Variants in GRIP1 observed in about 807,000 individuals in gnomAD.
GRIP1 encodes glutamate receptor-interacting protein 1.
In GRIP1, 45 loss-of-function variants were observed where a neutral mutation model predicts 129.9. The ratio of observed to expected loss-of-function variants is 0.35; its 90% CI spans 0.27 to 0.44. The LOEUF (loss-of-function observed/expected upper bound fraction) is 0.44. GRIP1 is among the 20% of genes least tolerant of loss of function. The pLI, the probability that GRIP1 is intolerant of heterozygous loss-of-function variation, is 1.00. For synonymous variants in GRIP1, 530 were observed against 520.8 expected (o/e 1.02, Z -0.24); for missense variants, 1,196 against 1,396.8 (o/e 0.86, Z 2.29).
At chr12:66,666,206 T>C (rs1415556024) in intron 1 of GRIP1, among the ~76,000 whole-genome samples, 2 of 152,172 alleles carry the variant, frequency 1.3e-5, no homozygotes, top group Non-Finnish European at 2.9e-5. Context: ...AATTATAAAA[T>C]GATGATTATG....
chr12:67,053,228 A>C (rs2043376875), intron 1 of GRIP1, among the ~76,000 whole-genome samples: 1 of 152,224 alleles, frequency 6.6e-6, no homozygotes, highest in African/African-American at 2.4e-5. Context: ...AATGTAGTAA[A>C]GTCATAAAAT....
At chr12:66,474,115 A>G (rs1217928197) in intron 7 of GRIP1, among the ~76,000 whole-genome samples, 1 of 152,086 alleles carries the variant, frequency 6.6e-6, no homozygotes, top group Non-Finnish European at 1.5e-5. Context: ...TAACTAGAAT[A>G]ACCAGTTTAG....
rs187874414 is a variant in GRIP1 at position 66,472,470 on chromosome 12, A to G, written c.725-7048T>C. On this transcript the variant is annotated intron_variant, in intron 7 of 24. Coordinates refer to ENST00000359742, the MANE Select transcript of GRIP1 (RefSeq NM_001366722.1). ...TTTGCAACTCCTCTCTTCCTGCCCA[A>G]TGAAATCTTTAATATAGTATGGTCA... Among the ~76,000 whole-genome samples, 30 of 152,244 alleles carry G rather than the reference A, an allele frequency of 2.0e-4. 1 individual carries two copies. The highest frequency in any genetic ancestry group is 4.8e-4 in the African/African-American group (20 of 41,538).
intron 15 of GRIP1, among the ~76,000 whole-genome samples, chr12:66,410,352 C>CCAGG (rs1396131886): frequency 5.3e-5 from 8 of 150,328 alleles, no homozygotes; most frequent in Non-Finnish European, 7.4e-5. Flanking sequence ...AAAAGCTGGG[C>CCAGG]CAGGCATGGT....
At chr12:66,643,076 T>C (rs1344770491) in intron 1 of GRIP1, among the ~76,000 whole-genome samples, 1 of 152,124 alleles carries the variant, frequency 6.6e-6, no homozygotes, top group Non-Finnish European at 1.5e-5. Flanking sequence ...ACCCAGCAGA[T>C]TGGCATGGAT....
intron 2 of GRIP1, among the ~76,000 whole-genome samples, chr12:66,571,992 C>T (rs369466402): frequency 1.1e-4 from 16 of 152,228 alleles, no homozygotes; most frequent in South Asian, 6.2e-4. Context: ...GAAATCAATA[C>T]GTAAGGATAC....
At position 66,583,151 on chromosome 12, in the gene GRIP1, T is replaced by C. The variant is rs1309854599; in HGVS notation, c.136+13696A>G. On this transcript the variant is annotated intron_variant, in intron 2 of 24. Transcript: ENST00000359742. ...TGACAAACCTGAGAAAAACAAGCAATGGCGAAAGGATTCCCTATTTAATAA... is the reference window on the plus strand; with the variant it reads ...TGACAAACCTGAGAAAAACAAGCAACGGCGAAAGGATTCCCTATTTAATAA... Among the ~76,000 whole-genome samples the C allele has an allele frequency of 1.2e-4, 18 of 151,804 alleles. No individual in the cohort carries two copies. In the South Asian group the frequency reaches 3.5e-3, roughly 30 times the overall value.
Position 66,379,418 on chromosome 12 carries a change from G to A in GRIP1, c.2483C>T (p.Ser828Leu). The change falls in exon 20 of 25, where the codon TCA becomes TTA. Residue 828 changes from serine to leucine, a missense_variant. This residue lies in a region of GRIP1 where 427 missense variants were observed against 463.3 expected (regional missense o/e 0.92). Transcript: ENST00000359742. ...YGTQGTSFQA[S>L]GYNFNTYDWR... ...GTCATAGGTGTTGAAATTGTATCCT[G>A]AGGCCTGAAAACTAGTGCCTAAAAT... The A allele has an allele frequency of 6.2e-7, 1 of 1,614,168 alleles. No homozygotes were observed. Among genetic ancestry groups the A allele is most frequent in the South Asian group, 1.1e-5 (1 of 91,084 alleles).
At chr12:66,396,877 A>G (rs6581679) in intron 16 of GRIP1, among the ~76,000 whole-genome samples, 142,211 of 151,732 alleles carry the variant, frequency 0.94, 67,337 homozygotes, top group Non-Finnish European at 1. Context: ...TTGGGAGGCC[A>G]AGGTGGGTGG....
intron 1 of GRIP1, among the ~76,000 whole-genome samples, chr12:66,890,211 G>A (rs1457735416): frequency 6.6e-6 from 1 of 152,092 alleles, no homozygotes; most frequent in African/African-American, 2.4e-5. Context: ...TTACAGTTGT[G>A]AGCCACCACA....
At chr12:66,550,687 G>T (rs1408695005) in intron 2 of GRIP1, among the ~76,000 whole-genome samples, 1 of 152,158 alleles carries the variant, frequency 6.6e-6, no homozygotes, top group Non-Finnish European at 1.5e-5. Context: ...TTTATAATTC[G>T]TGTGTATGTT....
intron 1 of GRIP1, among the ~76,000 whole-genome samples, chr12:66,758,835 A>G (rs2037381759): frequency 6.6e-6 from 1 of 152,176 alleles, no homozygotes; most frequent in African/African-American, 2.4e-5. Flanking sequence ...AGGTCATGCT[A>G]ATGCAAGAGG....
chr12:66,400,730 C>T (rs2056956772), intron 16 of GRIP1, among the ~76,000 whole-genome samples: 1 of 152,058 alleles, frequency 6.6e-6, no homozygotes, highest in African/African-American at 2.4e-5. Context: ...TCATTAATAG[C>T]TGTATATTTG....
intron 1 of GRIP1, among the ~76,000 whole-genome samples, chr12:66,968,719 C>G (rs6581726): frequency 6.6e-6 from 1 of 151,800 alleles, no homozygotes; most frequent in Admixed American, 6.6e-5. Context: ...TCTAATACAC[C>G]GTTACAATTA....
At chr12:66,681,628 T>C (rs74647842), upstream of GRIP1, among the ~76,000 whole-genome samples, 1,369 of 152,254 alleles carry the variant, frequency 9.0e-3, 17 homozygotes, top group African/African-American at 0.03. Flanking sequence ...GTTCAAACTT[T>C]ACAACATGCT....
intron 1 of GRIP1, among the ~76,000 whole-genome samples, chr12:66,993,788 CAAA>C (rs3051204): frequency 2.9e-3 from 331 of 116,102 alleles, no homozygotes; most frequent in African/African-American, 6.9e-3. Context: ...GAGGCTGTCT[CAAA>C]AAAAAAAAAA....
At chr12:66,413,928 G>A (rs940567964) in intron 15 of GRIP1, among the ~76,000 whole-genome samples, 3 of 152,034 alleles carry the variant, frequency 2.0e-5, no homozygotes, top group Admixed American at 6.5e-5. Flanking sequence ...CAATAATCTC[G>A]GTATTGAAGG....
At chr12:66,391,705 G>A (rs2056594553) in intron 19 of GRIP1, among the ~76,000 whole-genome samples, 1 of 152,116 alleles carries the variant, frequency 6.6e-6, no homozygotes, top group South Asian at 2.1e-4. Flanking sequence ...TTAAAAATCA[G>A]CTGGGTGTGG....
intron 13 of GRIP1, among the ~76,000 whole-genome samples, chr12:66,436,644 T>C (rs2058313649): frequency 6.6e-6 from 1 of 152,196 alleles, no homozygotes; most frequent in Non-Finnish European, 1.5e-5. Context: ...ACAATTTCAT[T>C]AAAGTTACTA....
Sources: allele counts gnomAD v4.1 joint callset (sites outside exome capture counted in the v4.1 genomes callset), GRCh38; gene constraint gnomAD v4.1.1; regional missense constraint gnomAD v4.1.1; transcripts MANE v1.5; gene names NCBI Gene and HGNC (gene_info 2026-07-23, HGNC 2026-07-21).